The following SPINK5 variants were observed in gnomAD, a reference collection of about 807,000 sequenced individuals.
SPINK5 encodes the protein serine protease inhibitor Kazal-type 5.
Under a neutral mutation model 151.8 loss-of-function variants are expected in SPINK5, and 125 were observed. That is an observed-to-expected ratio of 0.82 (90% CI 0.71 to 0.96). The LOEUF (loss-of-function observed/expected upper bound fraction) is 0.96. SPINK5 is among the 40% of genes least tolerant of loss of function. The pLI, the probability that SPINK5 is intolerant of heterozygous loss-of-function variation, is 0.00. For synonymous variants in SPINK5, 374 were observed against 395.3 expected, an observed-to-expected ratio of 0.95 and a Z score of 0.64; for missense variants, 1,194 against 1,291.9, an observed-to-expected ratio of 0.92 and a Z score of 1.16.
At chr5:148,088,391 G>C in intron 5 of SPINK5, 151 bp from the exon 6 acceptor site, 1 of 677,698 alleles carries the variant, frequency 1.5e-6, no homozygotes. Flanking sequence ...TATAAACAGT[G>C]ACTTTTATTA....
intron 13 of SPINK5, 121 bp downstream of exon 13, chr5:148,100,702 G>T: frequency 1.8e-6 from 2 of 1,123,452 alleles, no homozygotes; most frequent in Non-Finnish European, 2.6e-6. Flanking sequence ...CATATTTAGA[G>T]AAACTGTCTG....
chr5:148,067,899 C>T (rs917728997), intron 2 of SPINK5, among the ~76,000 whole-genome samples: 2 of 152,114 alleles, frequency 1.3e-5, no homozygotes, highest in Admixed American at 6.6e-5. Context: ...CAGCCATGAG[C>T]CACTGCACCT....
chr5:148,098,568 G>C (rs1753539834), intron 11 of SPINK5, among the ~76,000 whole-genome samples: 1 of 151,784 alleles, frequency 6.6e-6, no homozygotes, highest in Non-Finnish European at 1.5e-5. Flanking sequence ...AACTACATAT[G>C]GTTGAAATAT....
Position 148,125,328 on chromosome 5 carries a change from C to T in SPINK5, c.2740-395C>T, listed in dbSNP as rs17637711. ...GATGCTTTCTTTTCTATTTATTTTTCAAGACTACAAAGAAGACATCTTTAT... is the reference window on the plus strand; with the variant it reads ...GATGCTTTCTTTTCTATTTATTTTTTAAGACTACAAAGAAGACATCTTTAT... On this transcript the variant is annotated intron_variant, in intron 28 of 32. Coordinates refer to ENST00000256084, the MANE Select transcript of SPINK5 (RefSeq NM_006846.4). Among the ~76,000 whole-genome samples the T allele has an allele frequency of 0.03, 4,581 of 152,166 alleles. 115 individuals carry two copies. The highest frequency in any genetic ancestry group is 0.047 in the Non-Finnish European group (3,176 of 67,994).
intron 30 of SPINK5, among the ~76,000 whole-genome samples, chr5:148,129,034 C>T (rs982470513): frequency 6.6e-6 from 1 of 152,074 alleles, no homozygotes; most frequent in Non-Finnish European, 1.5e-5. Flanking sequence ...GTGACATATA[C>T]AGAGAATAAC....
At chr5:148,118,615 G>A in intron 23 of SPINK5, 51 bp downstream of exon 23, 1 of 1,606,128 alleles carries the variant, frequency 6.2e-7, no homozygotes, top group Non-Finnish European at 8.5e-7. Flanking sequence ...CATTCCTCTT[G>A]AATGAATGGC....
At chr5:148,117,775 A>G (rs9325071) in intron 22 of SPINK5, among the ~76,000 whole-genome samples, 33,122 of 152,098 alleles carry the variant, frequency 0.22, 4,662 homozygotes, top group East Asian at 0.44. Flanking sequence ...TACAGGGCCA[A>G]CTGACAGACT....
intron 16 of SPINK5, among the ~76,000 whole-genome samples, chr5:148,106,187 C>T (rs1021814842): frequency 6.6e-6 from 1 of 152,076 alleles, no homozygotes; most frequent in African/African-American, 2.4e-5. Context: ...TATTCTTACC[C>T]TCTTGCTTCA....
rs1000813415 is a variant in SPINK5, at chr5:148,114,488, T to C, written c.2014T>C (p.Phe672Leu). ...CAAGTGTGCCATGTGTAAGGCAGTC[T>C]TGTGAGTGCACAAAGAAAACCACTA... The part of the protein sequence containing the change: ...GNKCAMCKAV[F>L]QKENEERKRK... The change falls in exon 21 of 33, where the codon TTC (phenylalanine) becomes CTC (leucine). Residue 672 changes from phenylalanine (F) to leucine (L), a missense_variant and splice_region_variant. Transcript: ENST00000256084. 1.2e-6 allele frequency: 2 copies of C among 1,613,272 alleles called. No individual in the cohort carries two copies. Among genetic ancestry groups the C allele is most frequent in the Non-Finnish European group, 1.7e-6 (2 of 1,179,554 alleles).
intron 6 of SPINK5, 23 bp downstream of exon 6, chr5:148,088,628 T>C: frequency 1.2e-6 from 2 of 1,606,932 alleles, no homozygotes; most frequent in Non-Finnish European, 1.7e-6. Context: ...GTCAGCCTGA[T>C]GGGAAATACT....
At chr5:148,122,597 TTA>T (rs1225794831) in intron 26 of SPINK5, among the ~76,000 whole-genome samples, 2 of 152,166 alleles carry the variant, frequency 1.3e-5, no homozygotes, top group East Asian at 3.9e-4. Context: ...TTTATGATCA[TTA>T]TGTTTCAATG....
At position 148,099,474 on chromosome 5, in the gene SPINK5, A is replaced by G. The variant is rs11168022; in HGVS notation, c.1092+159A>G. ...ATGAATTATATGGGAAGATTGATCCATTCTTGCTGATTAAAAACTAACTCT... is the reference window on the plus strand; with the variant it reads ...ATGAATTATATGGGAAGATTGATCCGTTCTTGCTGATTAAAAACTAACTCT... On this transcript the variant is annotated intron_variant, in intron 12 of 32. Coordinates refer to ENST00000256084, the MANE Select transcript of SPINK5 (RefSeq NM_006846.4). 0.45 allele frequency among the ~76,000 whole-genome samples: 67,469 copies of G among 148,978 alleles called. 16,420 individuals are homozygous for G. The highest frequency in any genetic ancestry group is 0.59 in the Admixed American group (8,792 of 15,026).
At chr5:148,119,905 G>T in intron 24 of SPINK5, 104 bp from the exon 25 acceptor site, 1 of 1,361,368 alleles carries the variant, frequency 7.3e-7, no homozygotes, top group Non-Finnish European at 1.0e-6. Context: ...TCACAGCAAG[G>T]TTACATGGCT....
Position 148,108,748 on chromosome 5 carries a change from T to C in SPINK5, c.1608-5T>C, listed in dbSNP as rs1452480471. 1.2e-6 allele frequency: 2 copies of C among 1,610,550 alleles called. No individual in the cohort carries two copies. The highest frequency in any genetic ancestry group is 1.3e-5 in the African/African-American group (1 of 74,756). ...TTCAGCCTATATCTTCTTTTTCTAT[T>C]ACAGCAAACTTGAAGAAGAAGAGAA... On this transcript the variant is annotated splice_region_variant and splice_polypyrimidine_tract_variant and intron_variant, in intron 17 of 32. Transcript: ENST00000256084.
intron 21 of SPINK5, among the ~76,000 whole-genome samples, chr5:148,114,967 C>T (rs1754046942): frequency 6.6e-6 from 1 of 152,096 alleles, no homozygotes; most frequent in Admixed American, 6.5e-5. Flanking sequence ...CTACAATGTA[C>T]AATGTGTATA....
At chr5:148,103,744 T>C (rs1753708244) in intron 15 of SPINK5, among the ~76,000 whole-genome samples, 1 of 152,174 alleles carries the variant, frequency 6.6e-6, no homozygotes, top group Non-Finnish European at 1.5e-5. Flanking sequence ...AGAATTATTC[T>C]ACCCTCCATA....
chr5:148,118,382 T>C, intron 22 of SPINK5, 55 bp from the exon 23 acceptor site: 1 of 1,611,962 alleles, frequency 6.2e-7, no homozygotes, highest in Non-Finnish European at 8.5e-7. Flanking sequence ...AACAATTTAC[T>C]AAGAATACAG....
rs115402328 is a variant in SPINK5, at chr5:148,089,847, A to G, written c.602+226A>G. Among the ~76,000 whole-genome samples the G allele has an allele frequency of 5.6e-3, 846 of 151,990 alleles. 6 individuals are homozygous for G. The highest frequency in any genetic ancestry group is 0.016 in the African/African-American group (664 of 41,502). ...GGTGGTCATGTTAGTTATTAAATTC[A>G]AGACTCTCATTTCTTTTAAATTACA... On this transcript the variant is annotated intron_variant, in intron 7 of 32. Coordinates refer to ENST00000256084, the MANE Select transcript of SPINK5 (RefSeq NM_006846.4).
At chr5:148,078,538 G>A (rs910783878) in intron 4 of SPINK5, among the ~76,000 whole-genome samples, 2 of 150,414 alleles carry the variant, frequency 1.3e-5, no homozygotes, top group African/African-American at 4.9e-5. Flanking sequence ...ATATACTAAG[G>A]TACAAACATA....
Sources: allele counts gnomAD v4.1 joint callset (sites outside exome capture counted in the v4.1 genomes callset), GRCh38; gene constraint gnomAD v4.1.1; transcripts MANE v1.5; gene names NCBI Gene and HGNC (gene_info 2026-07-23, HGNC 2026-07-21).